The following ACOT12 variants were observed in gnomAD, a reference collection of about 807,000 sequenced individuals.
ACOT12 encodes acetyl-coenzyme A thioesterase.
A neutral mutation model predicts 67.7 loss-of-function variants in ACOT12; 51 were observed. That is an observed-to-expected ratio of 0.75 (90% CI 0.60 to 0.95). The LOEUF (loss-of-function observed/expected upper bound fraction) is 0.95. Among genes scored for constraint, ACOT12 ranks in the 40% least tolerant of loss-of-function variants. ACOT12 has a pLI of 0.00. For missense variants in ACOT12, 734 were observed against 708.1 expected (o/e 1.04, Z -0.41); for synonymous variants, 251 against 244.6 (o/e 1.03, Z -0.24).
chr5:81,368,061 G>T (rs1472956734), intron 3 of ACOT12, among the ~76,000 whole-genome samples: 1 of 152,126 alleles, frequency 6.6e-6, no homozygotes, highest in Non-Finnish European at 1.5e-5. Context: ...GGAGGCCAAG[G>T]TGAACAGATC....
At chr5:81,382,856 A>C (rs533967602) in intron 2 of ACOT12, among the ~76,000 whole-genome samples, 1 of 152,168 alleles carries the variant, frequency 6.6e-6, no homozygotes, top group African/African-American at 2.4e-5. Context: ...CATCAAGTAC[A>C]TGAAAATCCA....
intron 4 of ACOT12, among the ~76,000 whole-genome samples, chr5:81,363,106 C>T: frequency 6.6e-6 from 1 of 151,864 alleles, no homozygotes; most frequent in Admixed American, 6.6e-5. Context: ...ACTCATATTC[C>T]AGATTGAATT....
chr5:81,345,037 C>T lies in ACOT12; in HGVS notation c.778G>A (p.Glu260Lys). The change falls in exon 8 of 15, where the codon GAA becomes AAA. Residue 260 changes from glutamate to lysine, a missense_variant. Physicochemically the swap from Glu to Lys is moderately conservative, Grantham distance 56. Transcript: ENST00000307624. Reference protein sequence around the residue: ...IVNNTFQTCVEVGVRVEAFDC... With the variant: ...IVNNTFQTCVKVGVRVEAFDC... ...AAGGCCTCCACGCGAACTCCAACTT[C>T]AACACTGTGAAGGGTGATGCAGGGC... The T allele has an allele frequency of 6.2e-7, 1 of 1,614,048 alleles. No individual in the cohort carries two copies. The highest frequency in any genetic ancestry group is 1.3e-5 in the African/African-American group (1 of 75,036).
intron 8 of ACOT12, 80 bp from the exon 9 acceptor site, chr5:81,344,295 TC>T: frequency 7.1e-7 from 1 of 1,399,238 alleles, no homozygotes; most frequent in Non-Finnish European, 9.8e-7. Context: ...TAAGTATCCT[TC>T]TCCTAAATCA....
chr5:81,336,474 G>A lies in ACOT12; in HGVS notation c.1129-573C>T, dbSNP rs531852973. Among the ~76,000 whole-genome samples the A allele has an allele frequency of 5.9e-5, 9 of 152,260 alleles. No individual in the cohort carries two copies. The East Asian group carries it at 1.7e-3, about 29-fold the overall frequency. On this transcript the variant is annotated intron_variant, in intron 11 of 14. Coordinates refer to ENST00000307624, the MANE Select transcript of ACOT12 (RefSeq NM_130767.3). ...ACCCTTTCATTTCCGAATCACAGTG[G>A]CTGGATCATCCTTCTGAAAGGCCAG...
At chr5:81,327,267 T>G (rs1361019321), downstream of ACOT12, among the ~76,000 whole-genome samples, 1 of 151,408 alleles carries the variant, frequency 6.6e-6, no homozygotes, top group Non-Finnish European at 1.5e-5. Context: ...TTTCTTTCCA[T>G]TATTTATTAA....
chr5:81,332,687 A>C, intron 12 of ACOT12, 82 bp from the exon 13 acceptor site: 837 of 1,517,590 alleles, frequency 5.5e-4, no homozygotes, highest in Non-Finnish European at 7.0e-4. Flanking sequence ...ACATAATCTC[A>C]TTATTTGTAT....
intron 3 of ACOT12, among the ~76,000 whole-genome samples, chr5:81,365,127 G>A (rs928015012): frequency 3.0e-4 from 46 of 152,142 alleles, no homozygotes; most frequent in African/African-American, 1.7e-4. Flanking sequence ...TCAGGTACTT[G>A]TCTTTAGATT....
intron 2 of ACOT12, among the ~76,000 whole-genome samples, chr5:81,380,289 C>T (rs1045580147): frequency 6.6e-6 from 1 of 152,026 alleles, no homozygotes; most frequent in East Asian, 1.9e-4. Context: ...AAAGGCCAGG[C>T]ATGGTGGCTC....
At chr5:81,322,697 A>T in the ACOT12 span, among the ~76,000 whole-genome samples, 1 of 152,172 alleles carries the variant, frequency 6.6e-6, no homozygotes, top group Non-Finnish European at 1.5e-5. Flanking sequence ...TAAAGGAAAG[A>T]GGTTTAATTA....
At chr5:81,315,429 C>T in the ACOT12 span, among the ~76,000 whole-genome samples, 2,022 of 152,264 alleles carry the variant, frequency 0.013, 35 homozygotes, top group African/African-American at 0.046. Flanking sequence ...CATCCCAATA[C>T]CTAACACTAT....
intron 2 of ACOT12, among the ~76,000 whole-genome samples, chr5:81,378,238 G>T (rs934176854): frequency 6.6e-6 from 1 of 152,126 alleles, no homozygotes; most frequent in African/African-American, 2.4e-5. Flanking sequence ...AATGGAGAAA[G>T]GATTCTCTAT....
chr5:81,364,390 T>C (rs1313371018), intron 3 of ACOT12, among the ~76,000 whole-genome samples: 1 of 151,910 alleles, frequency 6.6e-6, no homozygotes, highest in Non-Finnish European at 1.5e-5. Context: ...TGCATGTGTA[T>C]ATAAAATTAT....
In ACOT12 at chr5:81,347,828, G is replaced by A. The variant is rs1037776606; in HGVS notation, c.599C>T (p.Thr200Ile). 6 of 1,614,028 alleles carry A rather than the reference G, an allele frequency of 3.7e-6. No individual in the cohort carries two copies. Among genetic ancestry groups the A allele is most frequent in the African/African-American group, 1.3e-5 (1 of 74,914 alleles). Residue 200 changes from threonine to isoleucine, a missense_variant, in exon 6 of 15, where the codon ACA becomes ATA. By Grantham distance (89) the Thr-to-Ile change is moderately conservative (BLOSUM62 -1). Coordinates refer to ENST00000307624, the MANE Select transcript of ACOT12 (RefSeq NM_130767.3). Reference protein sequence around the residue: ...LPPHANHHGNTFGGQIMAWME... With the variant: ...LPPHANHHGNIFGGQIMAWME... ...CCACGCCATAATCTGGCCACCAAATGTATTTCCGTGATGGTTTGCATGGGG... is the reference window on the plus strand; with the variant it reads ...CCACGCCATAATCTGGCCACCAAATATATTTCCGTGATGGTTTGCATGGGG...
intron 12 of ACOT12, among the ~76,000 whole-genome samples, chr5:81,335,082 T>A (rs1037542401): frequency 6.6e-6 from 1 of 152,146 alleles, no homozygotes; most frequent in Non-Finnish European, 1.5e-5. Flanking sequence ...AATTGGATAA[T>A]CACTTCCTCA....
intron 2 of ACOT12, among the ~76,000 whole-genome samples, chr5:81,376,971 C>T (rs1004763633): frequency 2.0e-5 from 3 of 152,172 alleles, no homozygotes; most frequent in African/African-American, 7.2e-5. Flanking sequence ...AAGAGGGACT[C>T]CTCTCTAACT....
the ACOT12 span, among the ~76,000 whole-genome samples, chr5:81,320,365 T>C: frequency 6.6e-6 from 1 of 152,170 alleles, no homozygotes; most frequent in Non-Finnish European, 1.5e-5. Context: ...CAAAGAGCTA[T>C]ACCCTCAACG....
At chr5:81,381,115 G>A (rs1760571352) in intron 2 of ACOT12, among the ~76,000 whole-genome samples, 1 of 151,592 alleles carries the variant, frequency 6.6e-6, no homozygotes, top group South Asian at 2.1e-4. Context: ...TGCCCAGGCT[G>A]GAGTGCAGTG....
chr5:81,378,233 A>C (rs1488037955), intron 2 of ACOT12, among the ~76,000 whole-genome samples: 1 of 152,160 alleles, frequency 6.6e-6, no homozygotes, highest in South Asian at 2.1e-4. Context: ...CAAGCAATGG[A>C]GAAAGGATTC....
Sources: gnomAD v4.1 joint callset for allele counts (sites outside exome capture counted in the v4.1 genomes callset) on GRCh38, gnomAD v4.1.1 for gene constraint, MANE v1.5 for transcripts, NCBI Gene and HGNC (gene_info 2026-07-23, HGNC 2026-07-21) for gene names.